Variants in ITSN1 observed in about 807,000 individuals in gnomAD.
The protein encoded by ITSN1 is intersectin 1, also known as intersectin-1.
Under a neutral mutation model 239.8 loss-of-function variants are expected in ITSN1, and 58 were observed. The ratio of observed to expected loss-of-function variants is 0.24; its 90% CI spans 0.20 to 0.30. ITSN1 has a LOEUF of 0.30. Ranked by LOEUF, ITSN1 falls within the 10% of genes least tolerant of loss-of-function variation. The pLI, the probability that ITSN1 is intolerant of heterozygous loss-of-function variation, is 1.00. For synonymous variants in ITSN1, 780 were observed against 770.8 expected, an observed-to-expected ratio of 1.01 and a Z score of -0.20; for missense variants, 1,558 against 2,103.3, an observed-to-expected ratio of 0.74 and a Z score of 5.07.
intron 29 of ITSN1, among the ~76,000 whole-genome samples, chr21:33,848,617 T>C (rs1246921705): frequency 1.3e-5 from 2 of 152,182 alleles, no homozygotes; most frequent in East Asian, 3.9e-4. Flanking sequence ...AACAACAGTA[T>C]AGCTACCGCA....
chr21:33,696,114 A>G (rs2091781735), intron 1 of ITSN1, among the ~76,000 whole-genome samples: 1 of 152,316 alleles, frequency 6.6e-6, no homozygotes, highest in Non-Finnish European at 1.5e-5. Context: ...GTTTTTGTTA[A>G]TGACTGCATT....
chr21:33,822,407 TG>T (rs1219269273), intron 24 of ITSN1, among the ~76,000 whole-genome samples: 2 of 152,140 alleles, frequency 1.3e-5, no homozygotes, highest in African/African-American at 2.4e-5. Context: ...ATGAACTTTT[TG>T]GGTAAATGGT....
chr21:33,819,373 G>A, intron 24 of ITSN1, 50 bp downstream of exon 24: 1 of 1,318,666 alleles, frequency 7.6e-7, no homozygotes, highest in Non-Finnish European at 1.1e-6. Context: ...AGGACATTGT[G>A]TAAATGTTTG....
Position 33,865,177 on chromosome 21 carries a change from C to T in ITSN1, c.3917C>T (p.Ser1306Phe). The change falls in exon 32 of 40, where the codon TCC becomes TTC. Residue 1306 changes from serine (S) to phenylalanine (F), a missense_variant. Ser to Phe is a radical substitution (Grantham distance 155, BLOSUM62 -2). Around this residue, in one of 2 missense-constraint regions of ITSN1, gnomAD observed 576 missense variants for 893.3 expected, o/e 0.64. Coordinates refer to ENST00000381318, the MANE Select transcript of ITSN1 (RefSeq NM_003024.3). The surrounding 1 kb of genome is among the most constrained non-coding windows in gnomAD (Gnocchi z 4.4). The part of the protein sequence containing the change: ...LKALRVRKKM[S>F]GEKMPVKMIG... The stretch of plus-strand genomic sequence containing the variant: ...GCGCTGAGAGTCCGCAAGAAGATGT[C>T]CGGGGAGAAGATGCCTGTGAAGATG... 6.2e-7 allele frequency: 1 copy of T among 1,613,862 alleles called. No homozygotes were observed. The highest frequency in any genetic ancestry group is 1.3e-5 in the African/African-American group (1 of 75,004).
intron 1 of ITSN1, among the ~76,000 whole-genome samples, chr21:33,703,927 T>A (rs1290642598): frequency 6.6e-6 from 1 of 152,182 alleles, no homozygotes; most frequent in East Asian, 1.9e-4. Context: ...CTGCCTCTGC[T>A]TGGGGCTGAG....
intron 1 of ITSN1, among the ~76,000 whole-genome samples, chr21:33,657,198 T>C (rs1275107538): frequency 6.6e-6 from 1 of 152,128 alleles, no homozygotes; most frequent in Non-Finnish European, 1.5e-5. Context: ...ATCCCCAGTG[T>C]TTATTGTTCT....
chr21:33,678,473 C>T (rs1038069995), intron 1 of ITSN1, among the ~76,000 whole-genome samples: 5 of 152,314 alleles, frequency 3.3e-5, no homozygotes, highest in African/African-American at 7.2e-5. Context: ...CACTTAGCCC[C>T]GTGCTTGGCC....
chr21:33,742,797 G>A (rs2066942911), intron 5 of ITSN1, among the ~76,000 whole-genome samples: 1 of 152,156 alleles, frequency 6.6e-6, no homozygotes, highest in South Asian at 2.1e-4. Flanking sequence ...GAATTCCTAA[G>A]AAGCAAGGCT....
chr21:33,724,033 CATT>C (rs1488697355), intron 4 of ITSN1, among the ~76,000 whole-genome samples: 1 of 152,084 alleles, frequency 6.6e-6, no homozygotes. Context: ...GAAATGTCAT[CATT>C]ATGAAAATTA....
At chr21:33,860,328 AAAAAG>A (rs937310035) in intron 31 of ITSN1, among the ~76,000 whole-genome samples, 1 of 151,950 alleles carries the variant, frequency 6.6e-6, no homozygotes, top group African/African-American at 2.4e-5. Flanking sequence ...AAAAAAAAAA[AAAAAG>A]AAAAGAAAAT....
chr21:33,856,697 A>C, intron 29 of ITSN1, 39 bp from the exon 30 acceptor site: 1 of 1,612,946 alleles, frequency 6.2e-7, no homozygotes, highest in Non-Finnish European at 8.5e-7. Flanking sequence ...GGGCTTCCCC[A>C]GACTGTGCTA....
chr21:33,735,192 G>C lies in ITSN1; in HGVS notation c.334G>C (p.Ala112Pro). 6.2e-7 allele frequency: 1 copy of C among 1,612,584 alleles called. No individual in the cohort carries two copies. Among genetic ancestry groups the C allele is most frequent in the Non-Finnish European group, 8.5e-7 (1 of 1,179,362 alleles). Residue 112 changes from alanine to proline, a missense_variant, in exon 5 of 40, where the codon GCA (alanine) becomes CCA (proline). Around this residue, in one of 2 missense-constraint regions of ITSN1, gnomAD observed 982 missense variants for 1,209.9 expected, o/e 0.81. Transcript: ENST00000381318. ...ACAGCAACCAGTTGCTATTTCTAGC[G>C]CACCAGCATTTGGTAAGTCTGAAAA... ...MKQQPVAISS[A>P]PAFGMGGIAS...
chr21:33,766,010 T>TAAA lies in ITSN1; in HGVS notation c.925_926insAAA (p.Phe308_Arg309insLys). 1 of 1,614,156 alleles carries TAAA rather than the reference T, an allele frequency of 6.2e-7. No homozygotes were observed. The highest frequency in any genetic ancestry group is 8.5e-7 in the Non-Finnish European group (1 of 1,180,012). ...CTCCAGAATACATTCCACCTTCTTT[T>TAAA]AGGTAAGGAACATGGGCTCTGATCA... is the stretch of plus-strand genomic sequence containing the variant. On this transcript the variant is annotated inframe_insertion and splice_region_variant, in exon 10 of 40. Coordinates refer to ENST00000381318, the MANE Select transcript of ITSN1 (RefSeq NM_003024.3).
intron 39 of ITSN1, among the ~76,000 whole-genome samples, chr21:33,887,617 TC>T (rs1415047340): frequency 1.3e-5 from 2 of 151,996 alleles, no homozygotes; most frequent in African/African-American, 4.8e-5. Context: ...TATTTATTTA[TC>T]TTTTTTCTTG....
intron 23 of ITSN1, 61 bp downstream of exon 23, chr21:33,818,533 T>G (rs1275234590): frequency 7.3e-7 from 1 of 1,377,070 alleles, no homozygotes; most frequent in Non-Finnish European, 1.0e-6. Flanking sequence ...ATATTACTGT[T>G]TGCACTAGTT....
intron 29 of ITSN1, among the ~76,000 whole-genome samples, chr21:33,855,343 C>T (rs1021542041): frequency 5.3e-5 from 8 of 152,242 alleles, no homozygotes; most frequent in Admixed American, 3.3e-4. Flanking sequence ...CTGGGGACCA[C>T]GCTTTGACAA....
chr21:33,858,607 G>A, intron 30 of ITSN1, 79 bp from the exon 31 acceptor site: 1 of 883,994 alleles, frequency 1.1e-6, no homozygotes, highest in Non-Finnish European at 1.9e-6. Flanking sequence ...CCCTTTCCCT[G>A]CTCTCAGCGG....
intron 1 of ITSN1, among the ~76,000 whole-genome samples, chr21:33,697,009 C>G (rs1239099233): frequency 6.6e-6 from 1 of 151,434 alleles, no homozygotes; most frequent in Admixed American, 6.6e-5. Flanking sequence ...TAATGTTTTC[C>G]TTTATGTATG....
At chr21:33,777,308 T>A (rs2069718510) in intron 14 of ITSN1, among the ~76,000 whole-genome samples, 2 of 152,222 alleles carry the variant, frequency 1.3e-5, no homozygotes, top group Admixed American at 6.5e-5. Context: ...CTGGACTCTA[T>A]TCTGTTCTTT....
Sources: gnomAD v4.1 joint callset for allele counts (sites outside exome capture counted in the v4.1 genomes callset) on GRCh38, gnomAD v4.1.1 for gene constraint, gnomAD v4.1.1 regional missense constraint, Gnocchi (gnomAD v3.1) non-coding constraint, MANE v1.5 for transcripts, NCBI Gene and HGNC (gene_info 2026-07-23, HGNC 2026-07-21) for gene names.